ZBTB48: variants seen among roughly 807,000 people sequenced by gnomAD.
The protein encoded by ZBTB48 is zinc finger and BTB domain-containing protein 48.
ZBTB48 carries 35 observed loss-of-function variants against 64.5 expected under a neutral mutation model. That is an observed-to-expected ratio of 0.54 (90% CI 0.41 to 0.72). The LOEUF (loss-of-function observed/expected upper bound fraction) is 0.72, where lower values mean the gene tolerates loss of function less well. ZBTB48 is among the 30% of genes least tolerant of loss of function. The pLI is 0.00. For missense variants in ZBTB48, 828 were observed against 895.3 expected, an observed-to-expected ratio of 0.92 and a Z score of 0.96; for synonymous variants, 442 against 356.7, an observed-to-expected ratio of 1.24 and a Z score of -2.70.
rs138184801 is a variant in ZBTB48 at position 6,581,002 on chromosome 1, G to T, written c.393G>T (p.Gly131=). 5 of 1,613,444 alleles carry T rather than the reference G, an allele frequency of 3.1e-6. No individual in the cohort carries two copies. In the South Asian group the frequency reaches 3.3e-5, roughly 11 times the overall value. ...GQAAGGQSGL[G]PPASQNVNSH... ...CAGCAGGTGGCCAGAGTGGGCTGGG[G>T]CCCCCTGCCTCCCAGAATGTGAACA... Residue 131 remains glycine, a synonymous_variant, in exon 2 of 11, where the codon GGG becomes GGT. Coordinates refer to ENST00000377674, the MANE Select transcript of ZBTB48 (RefSeq NM_005341.4).
intron 4 of ZBTB48, chr1:6,586,339 GC>G: frequency 6.1e-6 from 3 of 491,064 alleles, no homozygotes; most frequent in East Asian, 3.4e-5. Flanking sequence ...GCTGGGAAAG[GC>G]CCCCTGGCCA....
chr1:6,586,129 T>C, intron 4 of ZBTB48, 99 bp downstream of exon 4: 1 of 1,204,978 alleles, frequency 8.3e-7, no homozygotes, highest in Non-Finnish European at 1.2e-6. Context: ...CTGAGAGGGG[T>C]ACTGTAAACT....
chr1:6,585,326 AGC>A (rs1640619307), intron 3 of ZBTB48: 1 of 153,862 alleles, frequency 6.5e-6, no homozygotes. Flanking sequence ...CTGGGAGAGA[AGC>A]AGGCAAGGGG....
Position 6,587,631 on chromosome 1 carries a change from A to G in ZBTB48, c.1378A>G (p.Arg460Gly). 6.2e-7 allele frequency: 1 copy of G among 1,612,754 alleles called. No homozygotes were observed. Among genetic ancestry groups the G allele is most frequent in the Non-Finnish European group, 8.5e-7 (1 of 1,180,018 alleles). ...GLQMHIKAKHRNERPHVCEFC... is the reference protein window; with the variant it reads ...GLQMHIKAKHGNERPHVCEFC... ...GCAGATGCACATCAAGGCCAAGCAC[A>G]GGTGCGTGTCGCCCGTTCTCTCTTG... The change falls in exon 7 of 11, where the codon AGG becomes GGG. Residue 460 changes from arginine (R) to glycine (G), a missense_variant and splice_region_variant. Physicochemically the swap from Arg to Gly is moderately radical, Grantham distance 125 (BLOSUM62 -2). Coordinates refer to ENST00000377674, the MANE Select transcript of ZBTB48 (RefSeq NM_005341.4).
Position 6,586,947 on chromosome 1 carries a change from C to T in ZBTB48, c.1137+160C>T, listed in dbSNP as rs142144800. 2.4e-3 allele frequency: 2,220 copies of T among 925,396 alleles called. 75 individuals carry two copies. The Admixed American group carries it at 0.042, about 17-fold the overall frequency. 57.3% of individuals were successfully genotyped at this position (925,396 alleles called of 1,614,324 possible). On this transcript the variant is annotated intron_variant, in intron 5 of 10. Coordinates refer to ENST00000377674, the MANE Select transcript of ZBTB48 (RefSeq NM_005341.4). Reference sequence around the variant, plus strand: ...CCTTTCCAGTGCCCCCTTATCTAGGCAGGGCTACTGTCTGCAGCCTCACCT... The same window carrying T: ...CCTTTCCAGTGCCCCCTTATCTAGGTAGGGCTACTGTCTGCAGCCTCACCT...
intron 4 of ZBTB48, 99 bp from the exon 5 acceptor site, chr1:6,586,596 C>G: frequency 5.0e-6 from 7 of 1,412,128 alleles, no homozygotes; most frequent in Non-Finnish European, 6.5e-6. Flanking sequence ...CCTCCCCAGG[C>G]AGACTCTTCC....
chr1:6,580,693 C>A lies in ZBTB48; in HGVS notation c.84C>A (p.Ala28=). 6.2e-7 allele frequency: 1 copy of A among 1,614,172 alleles called. No homozygotes were observed. The highest frequency in any genetic ancestry group is 1.1e-5 in the South Asian group (1 of 91,086). The change falls in exon 2 of 11, where the codon GCC becomes GCA. Residue 28 remains alanine (A), a synonymous_variant. Coordinates refer to ENST00000377674, the MANE Select transcript of ZBTB48 (RefSeq NM_005341.4). The surrounding 1 kb of genome is among the most constrained non-coding windows in gnomAD (Gnocchi z 5.2). ...GGGAGAAGGGCCAGTACTGCGACGC[C>A]ACTCTGGACGTGGGGGGCCTGGTGT... ...KQREKGQYCD[A]TLDVGGLVFK... is the part of the protein sequence containing the mutation.
intron 9 of ZBTB48, 137 bp from the exon 10 acceptor site, chr1:6,588,619 G>GT: frequency 1.4e-6 from 2 of 1,454,828 alleles, no homozygotes; most frequent in Non-Finnish European, 1.9e-6. Context: ...GGGTGGCACT[G>GT]GAGAGCCTGG....
At position 6,588,779 on chromosome 1, in the gene ZBTB48, G is replaced by C; in HGVS notation, c.1705G>C (p.Val569Leu). The change falls in exon 10 of 11, where the codon GTC (valine) becomes CTC (leucine). Residue 569 changes from valine (V) to leucine (L), a missense_variant. Transcript: ENST00000377674. Reference sequence around the variant, plus strand: ...AGCCGTGGAGCAACTGCGTGTGCACGTCAGACGGCACAAGGGGGTGAGGAA... The same window carrying C: ...AGCCGTGGAGCAACTGCGTGTGCACCTCAGACGGCACAAGGGGGTGAGGAA... ...FKAVEQLRVHVRRHKGVRKFE... is the reference protein window; with the variant it reads ...FKAVEQLRVHLRRHKGVRKFE... 2 of 1,614,144 alleles carry C rather than the reference G, an allele frequency of 1.2e-6. No homozygotes were observed. Among genetic ancestry groups the C allele is most frequent in the Non-Finnish European group, 1.7e-6 (2 of 1,180,044 alleles).
chr1:6,587,971 C>G (rs1209123424), intron 7 of ZBTB48, 89 bp from the exon 8 acceptor site: 23 of 1,551,910 alleles, frequency 1.5e-5, no homozygotes, highest in Non-Finnish European at 1.7e-5. Context: ...CCCAAGCCCT[C>G]TTTCCACCAG....
intron 3 of ZBTB48, among the ~76,000 whole-genome samples, chr1:6,583,603 A>ATT (rs147175046): frequency 4.6e-5 from 5 of 108,652 alleles, no homozygotes; most frequent in Admixed American, 9.5e-5. Flanking sequence ...CCAGCCTGTT[A>ATT]TTTTTTTTTT....
At position 6,581,174 on chromosome 1, in the gene ZBTB48, C is replaced by T; in HGVS notation, c.565C>T (p.Leu189Phe). ...AGCTCAGAGTGAGGGCCCCTCCTCC[C>T]TCTGTGGGAAACTGAAGCAGGCCTT... Reference protein sequence around the residue: ...SPAQSEGPSSLCGKLKQALKP... With the variant: ...SPAQSEGPSSFCGKLKQALKP... Residue 189 changes from leucine to phenylalanine, a missense_variant, in exon 2 of 11, where the codon CTC (leucine) becomes TTC (phenylalanine). Physicochemically the swap from Leu to Phe is conservative, Grantham distance 22. Transcript: ENST00000377674. 1.2e-6 allele frequency: 2 copies of T among 1,613,516 alleles called. No individual in the cohort carries two copies. The highest frequency in any genetic ancestry group is 8.5e-7 in the Non-Finnish European group (1 of 1,180,022).
Position 6,586,716 on chromosome 1 carries a change from C to A in ZBTB48, c.1066C>A (p.Gln356Lys). Reference protein sequence around the residue: ...SEQVFTCSVCQETFRRRMELR... With the variant: ...SEQVFTCSVCKETFRRRMELR... ...CCAGGTCTTCACGTGCTCTGTGTGC[C>A]AGGAGACATTCCGCCGAAGGATGGA... The change falls in exon 5 of 11, where the codon CAG becomes AAG. Residue 356 changes from glutamine to lysine, a missense_variant. Coordinates refer to ENST00000377674, the MANE Select transcript of ZBTB48 (RefSeq NM_005341.4). 6.4e-7 allele frequency: 1 copy of A among 1,571,326 alleles called. No individual in the cohort carries two copies. The highest frequency in any genetic ancestry group is 1.3e-5 in the African/African-American group (1 of 74,134).
At position 6,580,311 on chromosome 1, in the gene ZBTB48, C is replaced by G. The variant is rs891165139; in HGVS notation, c.-70+175C>G. Among the ~76,000 whole-genome samples the G allele has an allele frequency of 1.1e-4, 16 of 152,218 alleles. No individual in the cohort carries two copies. The highest frequency in any genetic ancestry group is 7.2e-4 in the Admixed American group (11 of 15,294). On this transcript the variant is annotated intron_variant, in intron 1 of 10. Transcript: ENST00000377674. This position sits in a 1 kb window ranked among gnomAD's most constrained non-coding sequence, Gnocchi z 5.2. ...CGGGCCAGTCCGTTCGCTCTCATCC[C>G]ATGTCTCCTTTCCCCAAACTTGGAT...
At position 6,588,838 on chromosome 1, in the gene ZBTB48, C is replaced by A; in HGVS notation, c.1764C>A (p.Thr588=). 3.1e-6 allele frequency: 5 copies of A among 1,614,114 alleles called. No individual in the cohort carries two copies. The highest frequency in any genetic ancestry group is 4.2e-6 in the Non-Finnish European group (5 of 1,180,024). ...FECTECGYKF[T]RQAHLRRHME... Reference sequence around the variant, plus strand: ...GCACCGAGTGTGGCTACAAGTTTACCCGACAGGTAGGCCAGGGCCTGGGCC... The same window carrying A: ...GCACCGAGTGTGGCTACAAGTTTACACGACAGGTAGGCCAGGGCCTGGGCC... Residue 588 remains threonine, a synonymous_variant, in exon 10 of 11, where the codon ACC becomes ACA. Coordinates refer to ENST00000377674, the MANE Select transcript of ZBTB48 (RefSeq NM_005341.4).
rs749718567 is a variant in ZBTB48, at chr1:6,587,553, A to G, written c.1300A>G (p.Lys434Glu). ...TGAAGCTTTCAAGCACCGTGGTGAG[A>G]AGCTGTTTGTGTGTGAGGAGTGTGG... ...LHEAFKHRGE[K>E]LFVCEECGHR... Residue 434 changes from lysine (K) to glutamate (E), a missense_variant, in exon 7 of 11, where the codon AAG becomes GAG. By Grantham distance (56) the Lys-to-Glu change is moderately conservative (BLOSUM62 1). Coordinates refer to ENST00000377674, the MANE Select transcript of ZBTB48 (RefSeq NM_005341.4). 1 of 1,613,942 alleles carries G rather than the reference A, an allele frequency of 6.2e-7. No individual in the cohort carries two copies. The highest frequency in any genetic ancestry group is 8.5e-7 in the Non-Finnish European group (1 of 1,180,032).
In ZBTB48 at chr1:6,587,262, A is replaced by G; in HGVS notation, c.1195A>G (p.Lys399Glu). The G allele has an allele frequency of 6.2e-7, 1 of 1,614,076 alleles. No homozygotes were observed. The highest frequency in any genetic ancestry group is 8.5e-7 in the Non-Finnish European group (1 of 1,180,034). Residue 399 changes from lysine to glutamate, a missense_variant, in exon 6 of 11, where the codon AAA becomes GAA. Coordinates refer to ENST00000377674, the MANE Select transcript of ZBTB48 (RefSeq NM_005341.4). ...QKKDLQSHMIKLHGAPKPHAC... is the reference protein window; with the variant it reads ...QKKDLQSHMIELHGAPKPHAC... ...GAAGGACTTGCAGAGCCACATGATC[A>G]AACTTCATGGAGCCCCCAAGCCCCA...
intron 5 of ZBTB48, 179 bp downstream of exon 5, chr1:6,586,966 C>G: frequency 1.1e-6 from 1 of 897,158 alleles, no homozygotes; most frequent in Non-Finnish European, 1.8e-6. Flanking sequence ...TGTCTGCAGC[C>G]TCACCTCCAA....
chr1:6,582,415 A>G, intron 3 of ZBTB48, 116 bp downstream of exon 3: 1 of 1,352,932 alleles, frequency 7.4e-7, no homozygotes, highest in South Asian at 1.4e-5. Context: ...TCTCAGACCC[A>G]CATAGTGTCT....
Sources: gnomAD v4.1 joint callset for allele counts (sites outside exome capture counted in the v4.1 genomes callset) on GRCh38, gnomAD v4.1.1 for gene constraint, Gnocchi (gnomAD v3.1) non-coding constraint, MANE v1.5 for transcripts, NCBI Gene and HGNC (gene_info 2026-07-23, HGNC 2026-07-21) for gene names.